ALMS1: variants seen among roughly 807,000 people sequenced by gnomAD.
The protein encoded by ALMS1 is centrosome-associated protein ALMS1.
Under a neutral mutation model 352.2 loss-of-function variants are expected in ALMS1, and 271 were observed. The ratio of observed to expected loss-of-function variants is 0.77; its 90% CI spans 0.70 to 0.85. ALMS1 has a LOEUF of 0.85. ALMS1 is among the 40% of genes least tolerant of loss of function. The probability of loss-of-function intolerance (pLI) is 0.00; values close to 1 mark genes in which losing one functional copy is unlikely to be tolerated. For missense variants in ALMS1, 5,445 were observed against 4,870.7 expected, an observed-to-expected ratio of 1.12 and a Z score of -3.51; for synonymous variants, 1,865 against 1,761.2, an observed-to-expected ratio of 1.06 and a Z score of -1.48.
intron 9 of ALMS1, among the ~76,000 whole-genome samples, chr2:73,478,402 G>A (rs764870070): frequency 7.9e-5 from 12 of 152,146 alleles, no homozygotes; most frequent in Non-Finnish European, 1.8e-4. Flanking sequence ...AAATTTGTAA[G>A]ATATAATTGT....
rs1329961024 is a variant in ALMS1, at chr2:73,543,892, TAAG to T, written c.9908-6372_9908-6370del. On this transcript the variant is annotated intron_variant, in intron 12 of 22. Transcript: ENST00000613296. ...AGGTGCTGGAGAGGAGGTGGAGAAA[TAAG>T]AACACTTTTACACTGTTGGTGGGAC... Among the ~76,000 whole-genome samples the T allele has an allele frequency of 3.9e-5, 6 of 152,246 alleles. No individual in the cohort carries two copies. In the East Asian group the frequency reaches 5.8e-4, roughly 15 times the overall value.
intron 20 of ALMS1, 93 bp from the exon 21 acceptor site, chr2:73,603,148 C>T: frequency 1.7e-6 from 2 of 1,196,244 alleles, no homozygotes; most frequent in Non-Finnish European, 2.5e-6. Context: ...AGGGTAGGGG[C>T]ACCAAGTCCT....
At chr2:73,517,550 A>C (rs908312199) in intron 10 of ALMS1, among the ~76,000 whole-genome samples, 2 of 151,420 alleles carry the variant, frequency 1.3e-5, no homozygotes, top group Non-Finnish European at 2.9e-5. Flanking sequence ...GCCAGGCCTT[A>C]TTTTCAAGTA....
At chr2:73,432,339 T>G in intron 7 of ALMS1, 48 bp downstream of exon 7, 1 of 1,360,116 alleles carries the variant, frequency 7.4e-7, no homozygotes, top group Middle Eastern at 1.8e-4. Context: ...GGATACCTTG[T>G]GAAAAAATAT....
At chr2:73,601,145 C>T (rs758009307) in intron 18 of ALMS1, 50 bp from the exon 19 acceptor site, 2 of 1,612,622 alleles carry the variant, frequency 1.2e-6, no homozygotes, top group Non-Finnish European at 8.5e-7. Context: ...CTGGGTGGGG[C>T]TGTAAAAAAG....
chr2:73,544,001 C>G (rs1388071594), intron 12 of ALMS1, among the ~76,000 whole-genome samples: 1 of 152,082 alleles, frequency 6.6e-6, no homozygotes, highest in Non-Finnish European at 1.5e-5. Context: ...TTGACCCAGC[C>G]ATTCCATTAA....
chr2:73,475,459 A>G (rs1243090339), intron 9 of ALMS1, among the ~76,000 whole-genome samples: 1 of 152,032 alleles, frequency 6.6e-6, no homozygotes, highest in African/African-American at 2.4e-5. Flanking sequence ...TTTTTTACCT[A>G]TTTCTAACAA....
chr2:73,437,694 A>G (rs1413238109), intron 7 of ALMS1, among the ~76,000 whole-genome samples: 1 of 152,124 alleles, frequency 6.6e-6, no homozygotes, highest in Non-Finnish European at 1.5e-5. Flanking sequence ...TCAGAGTAGT[A>G]TTGTGCTGTA....
At chr2:73,523,125 G>A (rs899287061) in intron 11 of ALMS1, among the ~76,000 whole-genome samples, 3 of 152,070 alleles carry the variant, frequency 2.0e-5, no homozygotes, top group Non-Finnish European at 2.9e-5. Context: ...TCTGGTACTC[G>A]GTATAGGCAA....
intron 9 of ALMS1, among the ~76,000 whole-genome samples, chr2:73,481,397 C>G (rs937220049): frequency 1.3e-5 from 2 of 152,114 alleles, no homozygotes; most frequent in African/African-American, 4.8e-5. Flanking sequence ...AGATATGCTG[C>G]ATTATTTCTG....
intron 10 of ALMS1, among the ~76,000 whole-genome samples, chr2:73,517,640 T>C (rs534626795): frequency 9.2e-5 from 14 of 152,022 alleles, no homozygotes; most frequent in Non-Finnish European, 1.8e-4. Context: ...GTTAACATCT[T>C]TTTTTTTCAT....
At chr2:73,416,645 A>G (rs949875231) in intron 2 of ALMS1, among the ~76,000 whole-genome samples, 1 of 152,216 alleles carries the variant, frequency 6.6e-6, no homozygotes, top group African/African-American at 2.4e-5. Flanking sequence ...AAAGATACCT[A>G]TATTCTCTTA....
chr2:73,502,282 G>A (rs1255317654), intron 10 of ALMS1, among the ~76,000 whole-genome samples: 1 of 152,068 alleles, frequency 6.6e-6, no homozygotes, highest in African/African-American at 2.4e-5. Flanking sequence ...AAGATTTCAA[G>A]AGTTTCTTCT....
At chr2:73,478,282 T>C (rs150245634) in intron 9 of ALMS1, among the ~76,000 whole-genome samples, 1 of 152,274 alleles carries the variant, frequency 6.6e-6, no homozygotes, top group Non-Finnish European at 1.5e-5. Context: ...TATGTGAAAA[T>C]ACTGAAATTT....
At chr2:73,404,634 A>G (rs191773022) in intron 1 of ALMS1, among the ~76,000 whole-genome samples, 16 of 152,170 alleles carry the variant, frequency 1.1e-4, no homozygotes, top group African/African-American at 3.9e-4. Context: ...CCACTTGGTC[A>G]TGGTGTGTAA....
At chr2:73,385,815 CCCCT>C, upstream of ALMS1, 1 of 679,522 alleles carries the variant, frequency 1.5e-6, no homozygotes, top group Admixed American at 2.1e-5. Context: ...CTCTCCCCTT[CCCCT>C]CCCTCCCCCC....
intron 7 of ALMS1, among the ~76,000 whole-genome samples, chr2:73,433,594 T>C (rs1229978328): frequency 6.6e-6 from 1 of 152,128 alleles, no homozygotes; most frequent in Non-Finnish European, 1.5e-5. Flanking sequence ...TAAAAATTAC[T>C]GGAGTAAATA....
At chr2:73,560,822 A>G (rs1446741010) in intron 15 of ALMS1, among the ~76,000 whole-genome samples, 1 of 152,260 alleles carries the variant, frequency 6.6e-6, no homozygotes, top group Non-Finnish European at 1.5e-5. Flanking sequence ...AGTCACAAAA[A>G]GATAAATACC....
chr2:73,432,245 G>A lies in ALMS1; in HGVS notation c.1386G>A (p.Arg462=), dbSNP rs749794703. The A allele has an allele frequency of 7.4e-6, 12 of 1,613,510 alleles. No homozygotes were observed. In the Middle Eastern group the frequency reaches 1.5e-3, roughly 199 times the overall value. Residue 462 remains arginine, a synonymous_variant, in exon 7 of 23, where the codon AGG becomes AGA. Transcript: ENST00000613296. ...ACTCTTCAGATCTCAGAATGTTGAG[G>A]ATGTCTCCTGACACTGTGCCAAAGG... ...EYHSSDLRML[R]MSPDTVPKAP...
Sources: gnomAD v4.1 joint callset for allele counts (sites outside exome capture counted in the v4.1 genomes callset) on GRCh38, gnomAD v4.1.1 for gene constraint, MANE v1.5 for transcripts, NCBI Gene and HGNC (gene_info 2026-07-23, HGNC 2026-07-21) for gene names.